The following C19orf81 variants were observed in gnomAD, a reference collection of about 807,000 sequenced individuals.
The protein encoded by C19orf81 is chromosome 19 open reading frame 81, also known as putative uncharacterized protein C19orf81.
C19orf81 carries 19 observed loss-of-function variants against 22.1 expected under a neutral mutation model. The observed-to-expected ratio is 0.86, with a 90% confidence interval of 0.60 to 1.26. The LOEUF (loss-of-function observed/expected upper bound fraction) is 1.26, where lower values mean the gene tolerates loss of function less well. C19orf81 is among the 50% of genes most tolerant of loss of function. C19orf81 has a pLI of 0.00. For synonymous variants in C19orf81, 108 were observed against 113.1 expected (o/e 0.95, Z 0.29); for missense variants, 287 against 280.7 (o/e 1.02, Z -0.16).
At chr19:50,653,465 A>C (rs1984920728) in intron 1 of C19orf81, among the ~76,000 whole-genome samples, 1 of 152,168 alleles carries the variant, frequency 6.6e-6, no homozygotes, top group Admixed American at 6.5e-5. Context: ...GGCCGGTATG[A>C]CTGGAAGAAA....
intron 1 of C19orf81, among the ~76,000 whole-genome samples, chr19:50,651,326 C>A (rs1226906361): frequency 6.6e-6 from 1 of 152,212 alleles, no homozygotes; most frequent in African/African-American, 2.4e-5. Flanking sequence ...ACATCCTTCT[C>A]TCTGTCACCT....
intron 1 of C19orf81, among the ~76,000 whole-genome samples, chr19:50,652,134 C>A (rs1443049143): frequency 6.6e-6 from 1 of 152,176 alleles, no homozygotes; most frequent in Non-Finnish European, 1.5e-5. Context: ...TAGGTGTGAA[C>A]CACCATGCCC....
chr19:50,656,002 T>A, intron 1 of C19orf81, 48 bp from the exon 2 acceptor site: 1 of 1,520,180 alleles, frequency 6.6e-7, no homozygotes, highest in Non-Finnish European at 8.8e-7. Context: ...AGCAGAATCA[T>A]GGCTGAGGAG....
At chr19:50,657,436 T>C (rs1270763042) in intron 3 of C19orf81, among the ~76,000 whole-genome samples, 1 of 152,256 alleles carries the variant, frequency 6.6e-6, no homozygotes, top group Non-Finnish European at 1.5e-5. Context: ...ATGACAACTG[T>C]TATCACCCTT....
rs745311338 is a variant in C19orf81, at chr19:50,658,110, C to A, written c.383C>A (p.Thr128Asn). The A allele has an allele frequency of 6.5e-7, 1 of 1,534,952 alleles. No individual in the cohort carries two copies. Among genetic ancestry groups the A allele is most frequent in the Non-Finnish European group, 8.7e-7 (1 of 1,146,402 alleles). ...GAGAACATGAACGTCATCTGTGGGACTGCTGGGCGCCGGAACCGGTGAGTA... is the reference window on the plus strand; with the variant it reads ...GAGAACATGAACGTCATCTGTGGGAATGCTGGGCGCCGGAACCGGTGAGTA... ...RFENMNVICG[T>N]AGRRNRWLIA... is the part of the protein sequence containing the mutation. Residue 128 changes from threonine to asparagine, a missense_variant, in exon 4 of 5, where the codon ACT becomes AAT. By Grantham distance (65) the Thr-to-Asn change is moderately conservative (BLOSUM62 0). Coordinates refer to ENST00000425202, the MANE Select transcript of C19orf81 (RefSeq NM_001195076.2).
intron 1 of C19orf81, chr19:50,649,918 T>C (rs561466906): frequency 3.4e-5 from 15 of 446,296 alleles, no homozygotes; most frequent in Non-Finnish European, 5.0e-5. Flanking sequence ...GTGCCATCCT[T>C]CCACCTCCCA....
chr19:50,659,136 G>A lies in C19orf81; in HGVS notation c.591G>A (p.Glu197=), dbSNP rs1038039756. Residue 197 remains glutamate (E), a synonymous_variant, in exon 5 of 5, where the codon GAG becomes GAA. Transcript: ENST00000425202. ...LEALGAEPNE[E]A ...CCCTGGGGGCGGAGCCGAACGAGGA[G>A]GCCTGACGCCCGGGCGGGCCCCGGC... is the stretch of plus-strand genomic sequence containing the variant. 5 of 1,359,762 alleles carry A rather than the reference G, an allele frequency of 3.7e-6. No homozygotes were observed. The highest frequency in any genetic ancestry group is 3.6e-5 in the Admixed American group (1 of 27,836). The allele number at this position is 1,359,762 out of a possible 1,614,324, so 84.2% of individuals were successfully genotyped here. A position where few individuals can be genotyped will look rare whatever the true frequency, so the allele number is the denominator to read the frequency against.
At chr19:50,654,934 A>G (rs1378166108) in intron 1 of C19orf81, among the ~76,000 whole-genome samples, 1 of 152,228 alleles carries the variant, frequency 6.6e-6, no homozygotes, top group Non-Finnish European at 1.5e-5. Context: ...AGATTTAGAG[A>G]TAAGAGTTCC....
intron 1 of C19orf81, among the ~76,000 whole-genome samples, chr19:50,650,609 T>G (rs1275621653): frequency 1.3e-5 from 2 of 152,122 alleles, no homozygotes; most frequent in Non-Finnish European, 2.9e-5. Flanking sequence ...AGGCAGAGGC[T>G]GCAGCGAGCC....
At chr19:50,654,109 G>C (rs1207479084) in intron 1 of C19orf81, among the ~76,000 whole-genome samples, 1 of 151,942 alleles carries the variant, frequency 6.6e-6, no homozygotes, top group Non-Finnish European at 1.5e-5. Flanking sequence ...TACGGGAAAT[G>C]TTTTATGTTC....
At chr19:50,654,925 G>A (rs369369272) in intron 1 of C19orf81, among the ~76,000 whole-genome samples, 6 of 152,216 alleles carry the variant, frequency 3.9e-5, no homozygotes, top group East Asian at 3.8e-4. Context: ...TTGGTGAGAA[G>A]ATTTAGAGAT....
intron 1 of C19orf81, among the ~76,000 whole-genome samples, chr19:50,654,549 A>T (rs1984950361): frequency 6.6e-6 from 1 of 151,852 alleles, no homozygotes; most frequent in East Asian, 1.9e-4. Flanking sequence ...TGCCCGCTTC[A>T]GCCTCCCAAA....
chr19:50,657,732 G>C (rs1985026645), intron 3 of C19orf81, among the ~76,000 whole-genome samples: 1 of 152,158 alleles, frequency 6.6e-6, no homozygotes, highest in Non-Finnish European at 1.5e-5. Context: ...ATTGACTTTG[G>C]GGCAAATTGG....
intron 1 of C19orf81, among the ~76,000 whole-genome samples, chr19:50,655,259 C>G (rs78048255): frequency 0.052 from 7,884 of 152,160 alleles, 212 homozygotes; most frequent in African/African-American, 0.075. Flanking sequence ...AAGAGAGAGA[C>G]CAGTTAGCTG....
intron 3 of C19orf81, among the ~76,000 whole-genome samples, chr19:50,656,923 G>A (rs977029644): frequency 2.2e-4 from 32 of 148,116 alleles, no homozygotes; most frequent in Non-Finnish European, 2.7e-4. Context: ...CTGCACTCCA[G>A]CCTGGGTGAC....
At chr19:50,651,304 C>T (rs1324923324) in intron 1 of C19orf81, among the ~76,000 whole-genome samples, 2 of 152,120 alleles carry the variant, frequency 1.3e-5, no homozygotes, top group Non-Finnish European at 2.9e-5. Flanking sequence ...CATGCTAGGC[C>T]CTTCATGGGA....
At chr19:50,649,540 G>C (rs772855223) in intron 1 of C19orf81, 29 bp downstream of exon 1, 1 of 1,533,142 alleles carries the variant, frequency 6.5e-7, no homozygotes, top group African/African-American at 1.4e-5. Context: ...GGGGGAAGGG[G>C]TGGACTTCCT....
intron 3 of C19orf81, among the ~76,000 whole-genome samples, chr19:50,656,830 G>T (rs1985004205): frequency 6.6e-6 from 1 of 151,790 alleles, no homozygotes; most frequent in Non-Finnish European, 1.5e-5. Flanking sequence ...CAGGTGGCTG[G>T]AATCCCAGCT....
intron 4 of C19orf81, 59 bp downstream of exon 4, chr19:50,658,187 C>A: frequency 6.8e-7 from 1 of 1,473,012 alleles, no homozygotes; most frequent in Non-Finnish European, 9.0e-7. Context: ...CCCGGGGCGA[C>A]CGGGTAAGAG....
Sources: allele counts gnomAD v4.1 joint callset (sites outside exome capture counted in the v4.1 genomes callset), GRCh38; gene constraint gnomAD v4.1.1; transcripts MANE v1.5; gene names NCBI Gene and HGNC (gene_info 2026-07-23, HGNC 2026-07-21).